Variants in ALOX15B observed in about 807,000 individuals in gnomAD.
ALOX15B encodes the protein arachidonate 15-lipoxygenase type B.
In ALOX15B, 74 loss-of-function variants were observed where a neutral mutation model predicts 73.8. The ratio of observed to expected loss-of-function variants is 1.00; its 90% CI spans 0.83 to 1.22. The LOEUF is 1.22. ALOX15B is among the 50% of genes most tolerant of loss of function. ALOX15B has a pLI of 0.00. For missense variants in ALOX15B, 896 were observed against 859.9 expected (o/e 1.04, Z -0.52); for synonymous variants, 353 against 357.2 (o/e 0.99, Z 0.13).
At position 8,048,622 on chromosome 17, in the gene ALOX15B, AC is replaced by A; in HGVS notation, c.*58del. On this transcript the variant is annotated 3_prime_UTR_variant, in exon 14 of 14. Transcript: ENST00000380183. ...CCTTTGACCACATCGCTCTAGGATA[AC>A]TGGCACCCAGAGAAAAGGACTCCTC... The A allele has an allele frequency of 6.5e-7, 1 of 1,543,958 alleles. No homozygotes were observed. Among genetic ancestry groups the A allele is most frequent in the Admixed American group, 2.0e-5 (1 of 50,994 alleles).
At chr17:8,044,181 G>T (rs141796440) in intron 5 of ALOX15B, among the ~76,000 whole-genome samples, 2 of 137,450 alleles carry the variant, frequency 1.5e-5, no homozygotes, top group African/African-American at 5.5e-5. Context: ...AGGAAAAGGC[G>T]GAAGCTGAGG....
chr17:8,039,819 G>A (rs544103049), intron 2 of ALOX15B, 83 bp from the exon 3 acceptor site: 1 of 1,394,400 alleles, frequency 7.2e-7, no homozygotes, highest in African/African-American at 1.4e-5. Flanking sequence ...CTGGTAGAGG[G>A]TGGCAATCGT....
At chr17:8,042,581 A>G in intron 4 of ALOX15B, 90 bp downstream of exon 4, 1 of 1,528,620 alleles carries the variant, frequency 6.5e-7, no homozygotes, top group Non-Finnish European at 8.9e-7. Context: ...CCCCACCCTC[A>G]GTGATATGAG....
intron 6 of ALOX15B, 43 bp from the exon 7 acceptor site, chr17:8,045,195 T>C (rs762934949): frequency 6.2e-7 from 1 of 1,612,978 alleles, no homozygotes; most frequent in Non-Finnish European, 8.5e-7. Context: ...CCCCCTTCAT[T>C]TAGAAAACCA....
At chr17:8,042,656 T>C in intron 4 of ALOX15B, 125 bp from the exon 5 acceptor site, 2 of 1,322,134 alleles carry the variant, frequency 1.5e-6, no homozygotes, top group African/African-American at 1.5e-5. Flanking sequence ...AACAGCTACC[T>C]TAGGGGTAGT....
At chr17:8,042,711 A>C (rs775520681) in intron 4 of ALOX15B, 70 bp from the exon 5 acceptor site, 59 of 1,442,932 alleles carry the variant, frequency 4.1e-5, no homozygotes, top group Non-Finnish European at 5.6e-5. Context: ...CAAGAGGCAT[A>C]AGGCTGGCTG....
At position 8,048,859 on chromosome 17, in the gene ALOX15B, G is replaced by A. The variant is rs1567974235; in HGVS notation, c.*294G>A. On this transcript the variant is annotated 3_prime_UTR_variant, in exon 14 of 14. Transcript: ENST00000380183. ...AGAGCCCACCTTGAGGGTTTTGCTA[G>A]TTGGTTTTGTTTTGCGTTTTACAGC... The A allele has an allele frequency of 3.5e-6, 1 of 286,078 alleles. No homozygotes were observed. Among genetic ancestry groups the A allele is most frequent in the African/African-American group, 2.2e-5 (1 of 45,812 alleles). The allele number at this position is 286,078 out of a possible 1,614,324, so 17.7% of individuals were successfully genotyped here.
At chr17:8,043,758 G>C (rs1369937254) in intron 5 of ALOX15B, among the ~76,000 whole-genome samples, 1 of 152,068 alleles carries the variant, frequency 6.6e-6, no homozygotes, top group Admixed American at 6.6e-5. Context: ...ATATGTGAGG[G>C]GTACTGCCAA....
rs1443823228 is a variant in ALOX15B at position 8,042,846 on chromosome 17, T to A, written c.638T>A (p.Met213Lys). Residue 213 changes from methionine to lysine, a missense_variant, in exon 5 of 14, where the codon ATG becomes AAG. Coordinates refer to ENST00000380183, the MANE Select transcript of ALOX15B (RefSeq NM_001141.3). ...RKGLWRSLNEMKRIFNFRRTP... is the reference protein window; with the variant it reads ...RKGLWRSLNEKKRIFNFRRTP... ...GGGCTCTGGAGGAGTCTGAATGAGA[T>A]GAAAAGGATCTTCAACTTCCGGAGG... is the stretch of plus-strand genomic sequence containing the variant. The A allele has an allele frequency of 1.3e-6, 2 of 1,556,772 alleles. No homozygotes were observed. Among genetic ancestry groups the A allele is most frequent in the Non-Finnish European group, 1.7e-6 (2 of 1,149,838 alleles).
intron 5 of ALOX15B, among the ~76,000 whole-genome samples, chr17:8,043,997 A>G (rs1976529839): frequency 6.6e-6 from 1 of 151,770 alleles, no homozygotes; most frequent in Non-Finnish European, 1.5e-5. Flanking sequence ...TAAGCCTGGG[A>G]GATGGAGGTT....
chr17:8,046,259 TCTGA>T (rs1365921669), intron 8 of ALOX15B, among the ~76,000 whole-genome samples: 2 of 152,220 alleles, frequency 1.3e-5, no homozygotes, highest in Middle Eastern at 3.2e-3. Flanking sequence ...GCTGGTTCTT[TCTGA>T]CTATCTGCAG....
chr17:8,047,283 T>G lies in ALOX15B; in HGVS notation c.1483T>G (p.Tyr495Asp), dbSNP rs1387019932. The change falls in exon 11 of 14, where the codon TAC becomes GAC. Residue 495 changes from tyrosine to aspartate, a missense_variant. Physicochemically the swap from Tyr to Asp is radical, Grantham distance 160. Coordinates refer to ENST00000380183, the MANE Select transcript of ALOX15B (RefSeq NM_001141.3). ...CTTTGTCTCTGAAATCATCGGTATC[T>G]ACTACCCAAGTGATGAGTCTGTCCA... is the stretch of plus-strand genomic sequence containing the variant. The part of the protein sequence containing the change: ...ERFVSEIIGI[Y>D]YPSDESVQDD... 2 of 1,614,090 alleles carry G rather than the reference T, an allele frequency of 1.2e-6. No homozygotes were observed. Among genetic ancestry groups the G allele is most frequent in the South Asian group, 2.2e-5 (2 of 91,076 alleles).
Position 8,048,650 on chromosome 17 carries a change from GA to G in ALOX15B, c.*91del, listed in dbSNP as rs778087971. ...GGCACCCAGAGAAAAGGACTCCTCA[GA>G]AAAAACAGGCCCCCATGTGCCTCTC... On this transcript the variant is annotated 3_prime_UTR_variant, in exon 14 of 14. Coordinates refer to ENST00000380183, the MANE Select transcript of ALOX15B (RefSeq NM_001141.3). 6.8e-6 allele frequency: 10 copies of G among 1,464,968 alleles called. No homozygotes were observed. In the East Asian group the frequency reaches 1.9e-4, roughly 27 times the overall value. 90.7% of individuals were successfully genotyped at this position (1,464,968 alleles called of 1,614,324 possible).
chr17:8,046,635 C>T (rs1293156438), intron 8 of ALOX15B, 33 bp from the exon 9 acceptor site: 2 of 1,602,260 alleles, frequency 1.2e-6, no homozygotes, highest in Non-Finnish European at 1.7e-6. Context: ...CAACCCAGGC[C>T]TCCCCTAGCT....
intron 4 of ALOX15B, 27 bp from the exon 5 acceptor site, chr17:8,042,754 C>G (rs1465202302): frequency 4.5e-6 from 7 of 1,539,288 alleles, no homozygotes; most frequent in Non-Finnish European, 6.2e-6. Context: ...CTCCTCCCCA[C>G]TCCCCACCCC....
chr17:8,045,826 C>T (rs577668101), intron 8 of ALOX15B, 140 bp downstream of exon 8: 8 of 908,898 alleles, frequency 8.8e-6, no homozygotes, highest in Non-Finnish European at 1.0e-5. Flanking sequence ...TGGCACAACT[C>T]CCCTGGAAGC....
rs149287751 is a variant in ALOX15B at position 8,039,193 on chromosome 17, C to G, written c.38C>G (p.Ala13Gly). Residue 13 changes from alanine (A) to glycine (G), a missense_variant, in exon 1 of 14, where the codon GCC (alanine) becomes GGC (glycine). Physicochemically the swap from Ala to Gly is moderately conservative, Grantham distance 60. Coordinates refer to ENST00000380183, the MANE Select transcript of ALOX15B (RefSeq NM_001141.3). ...EFRVRVSTGE[A>G]FGAGTWDKVS... ...AGGGTCAGGGTGTCCACCGGAGAAGCCTTCGGGGCTGGCACATGGGACAAA... is the reference window on the plus strand; with the variant it reads ...AGGGTCAGGGTGTCCACCGGAGAAGGCTTCGGGGCTGGCACATGGGACAAA... 19 of 1,613,092 alleles carry G rather than the reference C, an allele frequency of 1.2e-5. 1 individual carries two copies. Among genetic ancestry groups the G allele is most frequent in the Middle Eastern group, 1.6e-4 (1 of 6,070 alleles).
Position 8,048,444 on chromosome 17 carries a change from T to C in ALOX15B, c.1910T>C (p.Ile637Thr), listed in dbSNP as rs760567621. ...ACAGAGGAGGCCCCTCGGCGGAGCA[T>C]CGCCACCTTCCAGAGCCGCCTGGCC... is the stretch of plus-strand genomic sequence containing the variant. ...HFTEEAPRRS[I>T]ATFQSRLAQI... Residue 637 changes from isoleucine to threonine, a missense_variant, in exon 14 of 14, where the codon ATC becomes ACC. Coordinates refer to ENST00000380183, the MANE Select transcript of ALOX15B (RefSeq NM_001141.3). 2 of 1,613,882 alleles carry C rather than the reference T, an allele frequency of 1.2e-6. No homozygotes were observed. Among genetic ancestry groups the C allele is most frequent in the Non-Finnish European group, 8.5e-7 (1 of 1,180,008 alleles).
Position 8,040,605 on chromosome 17 carries a change from A to AGAG in ALOX15B, c.449+622_449+623insGAG, listed in dbSNP as rs1567969541. On this transcript the variant is annotated intron_variant, in intron 3 of 13. Transcript: ENST00000380183. ...GGAAAGAGAGAAAGAAAGAGAGAGA[A>AGAG]AGAAAGAAAGAAAGAAAGAAAGAAA... Among the ~76,000 whole-genome samples the AGAG allele has an allele frequency of 1.3e-4, 12 of 95,270 alleles. No homozygotes were observed. In the South Asian group the frequency reaches 3.6e-3, roughly 29 times the overall value. 62.5% of individuals were successfully genotyped at this position (95,270 alleles called of 152,430 possible). A position where few individuals can be genotyped will look rare whatever the true frequency, so the allele number is the denominator to read the frequency against.
Sources: allele counts gnomAD v4.1 joint callset (sites outside exome capture counted in the v4.1 genomes callset), GRCh38; gene constraint gnomAD v4.1.1; transcripts MANE v1.5; gene names NCBI Gene and HGNC (gene_info 2026-07-23, HGNC 2026-07-21).